HBP1: variants seen among roughly 807,000 people sequenced by gnomAD.
HBP1 encodes HMG-box transcription factor 1.
HBP1 carries 20 observed loss-of-function variants against 62.6 expected under a neutral mutation model. The ratio of observed to expected loss-of-function variants is 0.32; its 90% CI spans 0.22 to 0.46. HBP1 has a LOEUF of 0.46. HBP1 is among the 20% of genes least tolerant of loss of function. The probability of loss-of-function intolerance (pLI) is 1.00; values close to 1 mark genes in which losing one functional copy is unlikely to be tolerated. For missense variants in HBP1, 480 were observed against 611.8 expected (o/e 0.78, Z 2.27); for synonymous variants, 232 against 206.2 (o/e 1.12, Z -1.07).
chr7:107,184,753 G>A (rs1021109850), intron 3 of HBP1, among the ~76,000 whole-genome samples: 6 of 152,062 alleles, frequency 3.9e-5, no homozygotes, highest in East Asian at 1.9e-4. Flanking sequence ...CTCGTGATCC[G>A]CTTGCCTTGG....
At chr7:107,172,344 C>T (rs925537035) in intron 1 of HBP1, among the ~76,000 whole-genome samples, 9 of 152,092 alleles carry the variant, frequency 5.9e-5, no homozygotes, top group African/African-American at 2.2e-4. Context: ...TTTGATTTCA[C>T]TTTCTAGTTT....
chr7:107,179,981 G>A lies in HBP1; in HGVS notation c.88G>A (p.Asp30Asn). ...GGACAAGAGAGCCTCAGGAATGAAT[G>A]ACTCATTGGAGTTGCTGCAGTGTAA... ...VMDKRASGMNDSLELLQCNEN... is the reference protein window; with the variant it reads ...VMDKRASGMNNSLELLQCNEN... The change falls in exon 2 of 11, where the codon GAC becomes AAC. Residue 30 changes from aspartate to asparagine, a missense_variant. By Grantham distance (23) the Asp-to-Asn change is conservative. Coordinates refer to ENST00000222574, the MANE Select transcript of HBP1 (RefSeq NM_012257.4). The A allele has an allele frequency of 6.2e-7, 1 of 1,610,914 alleles. No individual in the cohort carries two copies. Among genetic ancestry groups the A allele is most frequent in the Admixed American group, 1.7e-5 (1 of 59,994 alleles).
At position 107,201,679 on chromosome 7, in the gene HBP1, A is replaced by T. The variant is rs529549920; in HGVS notation, c.*248A>T. The T allele has an allele frequency of 2.6e-6, 1 of 384,518 alleles. No homozygotes were observed. Among genetic ancestry groups the T allele is most frequent in the East Asian group, 4.0e-5 (1 of 25,260 alleles). The allele number at this position is 384,518 out of a possible 1,614,324, so 23.8% of individuals were successfully genotyped here. Reference sequence around the variant, plus strand: ...TTTCTTCCAAACTTCATATATGTCTATCAGGTAATAATAGGCTTGAAAATT... The same window carrying T: ...TTTCTTCCAAACTTCATATATGTCTTTCAGGTAATAATAGGCTTGAAAATT... On this transcript the variant is annotated 3_prime_UTR_variant, in exon 11 of 11. Transcript: ENST00000222574.
chr7:107,182,513 C>T lies in HBP1; in HGVS notation c.310C>T (p.Arg104Cys), dbSNP rs763483953. Residue 104 changes from arginine (R) to cysteine (C), a missense_variant, in exon 3 of 11, where the codon CGT (arginine) becomes TGT (cysteine). By Grantham distance (180) the Arg-to-Cys change is radical. Coordinates refer to ENST00000222574, the MANE Select transcript of HBP1 (RefSeq NM_012257.4). ...NTSDIPETTYRENEVDWLTEL... is the reference protein window; with the variant it reads ...NTSDIPETTYCENEVDWLTEL... ...CTCAGACATACCAGAAACTACTTAC[C>T]GTGAAAATGAGGTGGACTGGCTAAC... The T allele has an allele frequency of 2.4e-5, 39 of 1,613,282 alleles. No homozygotes were observed. Among genetic ancestry groups the T allele is most frequent in the Admixed American group, 3.3e-5 (2 of 59,992 alleles).
At chr7:107,200,344 C>G in intron 10 of HBP1, 43 bp downstream of exon 10, 5 of 1,548,272 alleles carry the variant, frequency 3.2e-6, no homozygotes, top group Non-Finnish European at 4.4e-6. Context: ...TTGCCTTATC[C>G]GTGCAGGTGT....
At chr7:107,198,803 C>G (rs1240933152) in intron 9 of HBP1, among the ~76,000 whole-genome samples, 2 of 152,162 alleles carry the variant, frequency 1.3e-5, no homozygotes, top group Admixed American at 6.5e-5. Context: ...CAGAAATAAT[C>G]TTTAGATGTG....
intron 10 of HBP1, 82 bp downstream of exon 10, chr7:107,200,383 C>G (rs776300107): frequency 7.1e-5 from 81 of 1,133,192 alleles, no homozygotes; most frequent in Non-Finnish European, 9.6e-5. Context: ...TTGTTACAAC[C>G]TTTAAGAGGT....
intron 1 of HBP1, among the ~76,000 whole-genome samples, chr7:107,177,632 T>C (rs1796917628): frequency 6.6e-6 from 1 of 152,234 alleles, no homozygotes; most frequent in Non-Finnish European, 1.5e-5. Flanking sequence ...TACATCCTTC[T>C]GATGTATATT....
chr7:107,186,500 T>A, intron 5 of HBP1, 28 bp downstream of exon 5: 1 of 1,581,690 alleles, frequency 6.3e-7, no homozygotes, highest in Non-Finnish European at 8.7e-7. Context: ...ACAAAAACCT[T>A]GAATTTTCCA....
intron 6 of HBP1, among the ~76,000 whole-genome samples, chr7:107,187,462 T>G (rs1797447275): frequency 6.6e-6 from 1 of 152,190 alleles, no homozygotes; most frequent in Non-Finnish European, 1.5e-5. Flanking sequence ...AGGATAAAGT[T>G]GACACCTTTC....
chr7:107,194,857 C>T (rs1427379182), intron 8 of HBP1, among the ~76,000 whole-genome samples: 1 of 152,144 alleles, frequency 6.6e-6, no homozygotes, highest in African/African-American at 2.4e-5. Flanking sequence ...ATTTCCATGT[C>T]TATGTAAACT....
At chr7:107,179,770 T>TG in intron 1 of HBP1, 109 bp from the exon 2 acceptor site, 1 of 646,376 alleles carries the variant, frequency 1.5e-6, no homozygotes, top group Non-Finnish European at 2.6e-6. Flanking sequence ...TGACTATGTC[T>TG]CAAAAAAAAA....
At position 107,202,519 on chromosome 7, in the gene HBP1, C is replaced by T. The variant is rs886061869; in HGVS notation, c.*1088C>T. The T allele has an allele frequency of 1.3e-5, 2 of 152,356 alleles. No individual in the cohort carries two copies. Among genetic ancestry groups the T allele is most frequent in the Non-Finnish European group, 2.9e-5 (2 of 67,984 alleles). 9.4% of individuals were successfully genotyped at this position (152,356 alleles called of 1,614,324 possible). A position where few individuals can be genotyped will look rare whatever the true frequency, so the allele number is the denominator to read the frequency against. Reference sequence around the variant, plus strand: ...TTCAAATAAATGGAAAAAAAAGTTGCTTATCTCTGACGTCTACTGATTGAT... The same window carrying T: ...TTCAAATAAATGGAAAAAAAAGTTGTTTATCTCTGACGTCTACTGATTGAT... On this transcript the variant is annotated 3_prime_UTR_variant, in exon 11 of 11. Transcript: ENST00000222574.
At chr7:107,175,037 T>A (rs563252150) in intron 1 of HBP1, among the ~76,000 whole-genome samples, 2 of 152,146 alleles carry the variant, frequency 1.3e-5, no homozygotes, top group South Asian at 4.2e-4. Context: ...TGGAGACGGG[T>A]GGCTTTCATA....
chr7:107,196,654 C>T lies in HBP1; in HGVS notation c.1385+503C>T, dbSNP rs533448327. On this transcript the variant is annotated intron_variant, in intron 9 of 10. Transcript: ENST00000222574. ...AATACATAGACAATTAGGTTATCTA[C>T]CTTAGTAGTAAGGATCTACCTTTTA... 6.0e-4 allele frequency: 118 copies of T among 196,302 alleles called. 1 individual carries two copies. In the South Asian group the frequency reaches 8.7e-3, roughly 14 times the overall value. The allele number at this position is 196,302 out of a possible 1,614,324, so 12.2% of individuals were successfully genotyped here.
chr7:107,176,726 G>A (rs1430675596), intron 1 of HBP1, among the ~76,000 whole-genome samples: 2 of 148,096 alleles, frequency 1.4e-5, no homozygotes, highest in African/African-American at 2.5e-5. Context: ...TTTTCAGGGA[G>A]AGAGTGGAGG....
intron 1 of HBP1, among the ~76,000 whole-genome samples, chr7:107,170,311 A>T (rs1796491728): frequency 6.6e-6 from 1 of 152,146 alleles, no homozygotes; most frequent in Non-Finnish European, 1.5e-5. Context: ...CACTCCTAAT[A>T]GTGGTTTTGA....
At chr7:107,193,160 T>C (rs1320412430) in intron 8 of HBP1, 1 of 152,190 alleles carries the variant, frequency 6.6e-6, no homozygotes, top group African/African-American at 2.4e-5. Context: ...CAGGCGGGTT[T>C]AAAACAGTCA....
chr7:107,200,187 G>C lies in HBP1; in HGVS notation c.1413G>C (p.Arg471Ser). 1 of 1,606,908 alleles carries C rather than the reference G, an allele frequency of 6.2e-7. No homozygotes were observed. The highest frequency in any genetic ancestry group is 1.1e-5 in the South Asian group (1 of 89,578). The change falls in exon 10 of 11, where the codon AGG becomes AGC. Residue 471 changes from arginine (R) to serine (S), a missense_variant. This residue lies in a region of HBP1 where 52 missense variants were observed against 96.0 expected (regional missense o/e 0.54). Coordinates refer to ENST00000222574, the MANE Select transcript of HBP1 (RefSeq NM_012257.4). The part of the protein sequence containing the change: ...NRAISVILGD[R>S]WKKMKNEERR... ...CCATAAGTGTGATCCTTGGTGACAG[G>C]TGGAAGAAAATGAAGAATGAAGAGA... is the stretch of plus-strand genomic sequence containing the variant.
Sources: gnomAD v4.1 joint callset for allele counts (sites outside exome capture counted in the v4.1 genomes callset) on GRCh38, gnomAD v4.1.1 for gene constraint, gnomAD v4.1.1 regional missense constraint, MANE v1.5 for transcripts, NCBI Gene and HGNC (gene_info 2026-07-23, HGNC 2026-07-21) for gene names.